RFX4: variants seen among roughly 807,000 people sequenced by gnomAD.
RFX4 encodes the protein transcription factor RFX4.
A neutral mutation model predicts 95.0 loss-of-function variants in RFX4; 10 were observed. That is an observed-to-expected ratio of 0.11 (90% CI 0.06 to 0.18). The LOEUF (loss-of-function observed/expected upper bound fraction) is 0.18, where lower values mean the gene tolerates loss of function less well. Ranked by LOEUF, RFX4 falls within the 10% of genes least tolerant of loss-of-function variation. The pLI, the probability that RFX4 is intolerant of heterozygous loss-of-function variation, is 1.00. For synonymous variants in RFX4, 321 were observed against 340.7 expected (o/e 0.94, Z 0.64); for missense variants, 640 against 922.0 (o/e 0.69, Z 3.96).
At chr12:106,685,171 G>T (rs116885874) in intron 5 of RFX4, among the ~76,000 whole-genome samples, 7 of 152,074 alleles carry the variant, frequency 4.6e-5, no homozygotes, top group East Asian at 3.9e-4. Flanking sequence ...AGTCTTTAAG[G>T]GGGGAGCAGG....
At chr12:106,644,380 C>T (rs545115210) in intron 3 of RFX4, among the ~76,000 whole-genome samples, 9 of 151,944 alleles carry the variant, frequency 5.9e-5, no homozygotes, top group East Asian at 1.9e-4. Context: ...ATTACAGGCG[C>T]GCACCGCCAC....
chr12:106,761,584 T>TAGGAATAG lies in RFX4; in HGVS notation c.*115_*116insAGGAATAG. On this transcript the variant is annotated 3_prime_UTR_variant, in exon 18 of 18. Transcript: ENST00000392842. The stretch of plus-strand genomic sequence containing the variant: ...CTATACATTGTAACTCATGGGCTAT[T>TAGGAATAG]CCTAAGTGCCCATTTTCCTAATGAA... 2.7e-6 allele frequency: 2 copies of TAGGAATAG among 733,988 alleles called. No individual in the cohort carries two copies. Among genetic ancestry groups the TAGGAATAG allele is most frequent in the Non-Finnish European group, 3.6e-6 (2 of 552,684 alleles). 45.5% of individuals were successfully genotyped at this position (733,988 alleles called of 1,614,324 possible).
intron 8 of RFX4, among the ~76,000 whole-genome samples, chr12:106,699,675 T>C (rs139723653): frequency 3.4e-4 from 52 of 152,330 alleles, no homozygotes; most frequent in African/African-American, 1.2e-3. Flanking sequence ...GTTCAGAAGT[T>C]TACTTTGTCT....
intron 1 of RFX4, chr12:106,583,573 CGT>C (rs1441331813): frequency 2.3e-6 from 1 of 430,654 alleles, no homozygotes; most frequent in East Asian, 3.6e-5. Flanking sequence ...TGATTGTGTA[CGT>C]GTGTGAGTGT....
At chr12:106,743,082 G>A (rs1366160335) in intron 15 of RFX4, among the ~76,000 whole-genome samples, 2 of 152,156 alleles carry the variant, frequency 1.3e-5, no homozygotes, top group Non-Finnish European at 2.9e-5. Flanking sequence ...ACTGTAAGGT[G>A]ACCAACAACT....
chr12:106,611,572 G>A (rs535358097), intron 2 of RFX4, among the ~76,000 whole-genome samples: 1 of 151,202 alleles, frequency 6.6e-6, no homozygotes, highest in Admixed American at 6.6e-5. Context: ...GTACAGTGGC[G>A]CTGTCTCGGC....
chr12:106,604,217 T>G (rs2039776325), intron 1 of RFX4, among the ~76,000 whole-genome samples: 2 of 148,340 alleles, frequency 1.3e-5, no homozygotes, highest in Admixed American at 1.4e-4. Context: ...GCCTCCAGGG[T>G]TCAAGTGATT....
intron 4 of RFX4, among the ~76,000 whole-genome samples, chr12:106,679,383 A>G (rs2041459399): frequency 6.6e-6 from 1 of 151,558 alleles, no homozygotes; most frequent in South Asian, 2.1e-4. Context: ...TGAACCCAGG[A>G]GGTGGAGGTT....
At chr12:106,624,326 T>G (rs1354329639) in intron 2 of RFX4, among the ~76,000 whole-genome samples, 1 of 152,144 alleles carries the variant, frequency 6.6e-6, no homozygotes, top group Non-Finnish European at 1.5e-5. Context: ...TTATTTTATT[T>G]TATTTATTTT....
chr12:106,621,727 C>A (rs1418342390), intron 2 of RFX4, among the ~76,000 whole-genome samples: 4 of 152,114 alleles, frequency 2.6e-5, no homozygotes, highest in Admixed American at 2.6e-4. Flanking sequence ...CTCTGTCATC[C>A]CCAAACTCTC....
At chr12:106,739,538 T>C (rs915941358) in intron 15 of RFX4, among the ~76,000 whole-genome samples, 1 of 152,250 alleles carries the variant, frequency 6.6e-6, no homozygotes, top group African/African-American at 2.4e-5. Context: ...ACAGTCACTC[T>C]GCTTATCTGT....
intron 11 of RFX4, among the ~76,000 whole-genome samples, chr12:106,716,175 T>C (rs898977956): frequency 2.0e-5 from 3 of 152,146 alleles, no homozygotes; most frequent in Non-Finnish European, 2.9e-5. Context: ...ATCCCTGCTA[T>C]TCCTCAGATG....
chr12:106,662,178 C>A (rs752019765), intron 4 of RFX4: 16 of 414,596 alleles, frequency 3.9e-5, no homozygotes, highest in Non-Finnish European at 6.2e-5. Flanking sequence ...TGCATTCCCA[C>A]AGCAATAAAT....
In RFX4 at chr12:106,622,430, A is replaced by T. The variant is rs140499137; in HGVS notation, c.130+13547A>T. On this transcript the variant is annotated intron_variant, in intron 2 of 17. Transcript: ENST00000392842. ...AAATTGTATATATGTATATATTTATAGTTAATATGTATATATAGCTATCAT... is the reference window on the plus strand; with the variant it reads ...AAATTGTATATATGTATATATTTATTGTTAATATGTATATATAGCTATCAT... Among the ~76,000 whole-genome samples the T allele has an allele frequency of 3.4e-3, 517 of 152,106 alleles. 4 individuals carry two copies. Among genetic ancestry groups the T allele is most frequent in the Non-Finnish European group, 5.5e-3 (371 of 68,006 alleles).
At chr12:106,735,078 G>GGAAA (rs1335492268) in intron 15 of RFX4, among the ~76,000 whole-genome samples, 2 of 149,616 alleles carry the variant, frequency 1.3e-5, no homozygotes, top group Non-Finnish European at 3.0e-5. Flanking sequence ...AAGAAAGAAA[G>GGAAA]GAAAGAAAGA....
At chr12:106,712,277 C>A (rs1370108324) in intron 10 of RFX4, among the ~76,000 whole-genome samples, 1 of 152,204 alleles carries the variant, frequency 6.6e-6, no homozygotes, top group Non-Finnish European at 1.5e-5. Context: ...CAGCTAAACA[C>A]CCACATTTTT....
At chr12:106,694,806 G>A (rs766045132) in intron 7 of RFX4, among the ~76,000 whole-genome samples, 2 of 152,088 alleles carry the variant, frequency 1.3e-5, no homozygotes, top group Non-Finnish European at 2.9e-5. Flanking sequence ...AGGCCGAGGC[G>A]TGCAGATCAC....
chr12:106,739,550 G>A (rs1271248947), intron 15 of RFX4, among the ~76,000 whole-genome samples: 1 of 152,142 alleles, frequency 6.6e-6, no homozygotes, highest in Non-Finnish European at 1.5e-5. Flanking sequence ...CTTATCTGTA[G>A]CTACGTCTAG....
chr12:106,585,945 A>C (rs905421659), intron 1 of RFX4: 1 of 152,230 alleles, frequency 6.6e-6, no homozygotes, highest in African/African-American at 2.4e-5. Context: ...TGACCTGCGG[A>C]AACGCGCCCC....
Sources: allele counts gnomAD v4.1 joint callset (sites outside exome capture counted in the v4.1 genomes callset), GRCh38; gene constraint gnomAD v4.1.1; transcripts MANE v1.5; gene names NCBI Gene and HGNC (gene_info 2026-07-23, HGNC 2026-07-21).